ARID5B: variants seen among roughly 807,000 people sequenced by gnomAD.
The protein encoded by ARID5B is AT-rich interaction domain 5B, also known as AT-rich interactive domain-containing protein 5B.
In ARID5B, 13 loss-of-function variants were observed where a neutral mutation model predicts 97.2. The observed-to-expected ratio is 0.13, with a 90% CI of 0.09 to 0.21. The LOEUF is 0.21. ARID5B is among the 10% of genes least tolerant of loss of function. The pLI, the probability that ARID5B is intolerant of heterozygous loss-of-function variation, is 1.00. For synonymous variants in ARID5B, 556 were observed against 570.3 expected, an observed-to-expected ratio of 0.97 and a Z score of 0.36; for missense variants, 1,210 against 1,465.3, an observed-to-expected ratio of 0.83 and a Z score of 2.84.
chr10:62,057,468 G>T (rs1589277859), intron 6 of ARID5B, 150 bp downstream of exon 6: 1 of 851,118 alleles, frequency 1.2e-6, no homozygotes, highest in South Asian at 1.8e-5. Context: ...TCCAGGCCAA[G>T]AATTTTTTCC....
chr10:61,989,083 C>G (rs908286071), intron 3 of ARID5B, among the ~76,000 whole-genome samples: 1 of 151,864 alleles, frequency 6.6e-6, no homozygotes, highest in Admixed American at 6.6e-5. Flanking sequence ...GCATGTGCCA[C>G]CATGCCTGGC....
intron 2 of ARID5B, among the ~76,000 whole-genome samples, chr10:61,908,627 G>C (rs142736226): frequency 2.0e-5 from 3 of 151,714 alleles, no homozygotes; most frequent in African/African-American, 7.3e-5. Flanking sequence ...GTGAAACCCC[G>C]TCTCTACTAA....
Position 62,000,403 on chromosome 10 carries a change from G to C in ARID5B, c.733+82G>C. On this transcript the variant is annotated intron_variant, in intron 4 of 9. Coordinates refer to ENST00000279873, the MANE Select transcript of ARID5B (RefSeq NM_032199.3). The surrounding 1 kb of genome is among the most constrained non-coding windows in gnomAD (Gnocchi z 4.4). ...TCAGTTCTTCTGAAGAGCGGTGATG[G>C]GGAACGGGGCTCACTTTCACAAGCC... is the stretch of plus-strand genomic sequence containing the variant. 7.6e-7 allele frequency: 1 copy of C among 1,308,080 alleles called. No individual in the cohort carries two copies. Among genetic ancestry groups the C allele is most frequent in the Non-Finnish European group, 1.0e-6 (1 of 953,830 alleles). 81.0% of individuals were successfully genotyped at this position (1,308,080 alleles called of 1,614,324 possible).
chr10:61,908,388 T>C (rs1168321975), intron 2 of ARID5B, among the ~76,000 whole-genome samples: 2 of 152,206 alleles, frequency 1.3e-5, no homozygotes, highest in Non-Finnish European at 2.9e-5. Context: ...GTGCTGATAA[T>C]ACATGTCATA....
intron 2 of ARID5B, among the ~76,000 whole-genome samples, chr10:61,917,583 CTT>C (rs1843933314): frequency 6.6e-6 from 1 of 152,236 alleles, no homozygotes; most frequent in Admixed American, 6.5e-5. Context: ...TTAAAACACT[CTT>C]TGTGGGCCAA....
rs554202422 is a variant in ARID5B at position 62,095,961 on chromosome 10, A to T, written c.*2931A>T. 9.5e-5 allele frequency: 22 copies of T among 232,178 alleles called. No individual in the cohort carries two copies. The South Asian group carries it at 1.8e-3, about 19-fold the overall frequency. 14.4% of individuals were successfully genotyped at this position (232,178 alleles called of 1,614,324 possible). Reference sequence around the variant, plus strand: ...GCACTAAGTCTGTGATTTATTGGAGATTTGGAGATTCTAAATAATATTTTT... The same window carrying T: ...GCACTAAGTCTGTGATTTATTGGAGTTTTGGAGATTCTAAATAATATTTTT... On this transcript the variant is annotated 3_prime_UTR_variant, in exon 10 of 10. Transcript: ENST00000279873.
At chr10:61,938,713 G>C (rs571200036) in intron 2 of ARID5B, among the ~76,000 whole-genome samples, 1 of 152,134 alleles carries the variant, frequency 6.6e-6, no homozygotes, top group East Asian at 1.9e-4. Flanking sequence ...CCATTTAGTG[G>C]TAGTTCATAT....
Position 62,092,956 on chromosome 10 carries a change from T to C in ARID5B, c.3493T>C (p.Leu1165=), listed in dbSNP as rs1427715298. ...GDLLHNSIYP[L]AAINPQAAFP... ...CCTTTTGCATAACAGCATTTACCCT[T>C]TAGCTGCTATAAATCCTCAAGCTGC... Residue 1165 remains leucine, a synonymous_variant, in exon 10 of 10, where the codon TTA becomes CTA. Transcript: ENST00000279873. 1 of 1,614,128 alleles carries C rather than the reference T, an allele frequency of 6.2e-7. No individual in the cohort carries two copies.
chr10:62,036,943 A>G (rs1839572620), intron 4 of ARID5B, among the ~76,000 whole-genome samples: 1 of 152,218 alleles, frequency 6.6e-6, no homozygotes, highest in Admixed American at 6.5e-5. Context: ...GACGAATCCT[A>G]CTGGCATAAC....
At chr10:61,994,217 G>A (rs1195389141) in intron 3 of ARID5B, among the ~76,000 whole-genome samples, 1 of 152,026 alleles carries the variant, frequency 6.6e-6, no homozygotes. Flanking sequence ...TTTTCCACTA[G>A]GCTCTATAAA....
chr10:62,086,904 G>A (rs1197418736), intron 9 of ARID5B, among the ~76,000 whole-genome samples: 1 of 151,600 alleles, frequency 6.6e-6, no homozygotes, highest in Non-Finnish European at 1.5e-5. Flanking sequence ...CCTTGGAACT[G>A]TGGTGCTGTA....
intron 2 of ARID5B, among the ~76,000 whole-genome samples, chr10:61,918,222 C>A (rs1843944463): frequency 6.6e-6 from 1 of 152,212 alleles, no homozygotes; most frequent in South Asian, 2.1e-4. Flanking sequence ...AAAATATAAA[C>A]CCTTAGCCTT....
intron 4 of ARID5B, among the ~76,000 whole-genome samples, chr10:62,002,440 T>G (rs1839091323): frequency 6.6e-6 from 1 of 152,234 alleles, no homozygotes; most frequent in Non-Finnish European, 1.5e-5. Flanking sequence ...AGTTTAATAA[T>G]TAGAGTATTA....
chr10:62,059,438 G>A lies in ARID5B; in HGVS notation c.1101+143G>A, dbSNP rs375478784. On this transcript the variant is annotated intron_variant, in intron 7 of 9. Transcript: ENST00000279873. ...TACACTTTTGGGGGTTTATTGGGCCGCTTTGGAAACAGTCCCAATTAGTTC... is the reference window on the plus strand; with the variant it reads ...TACACTTTTGGGGGTTTATTGGGCCACTTTGGAAACAGTCCCAATTAGTTC... 4.8e-4 allele frequency: 301 copies of A among 628,306 alleles called. 2 individuals are homozygous for A. The highest frequency in any genetic ancestry group is 8.1e-4 in the South Asian group (34 of 41,986). The allele number at this position is 628,306 out of a possible 1,614,324, so 38.9% of individuals were successfully genotyped here. A position where few individuals can be genotyped will look rare whatever the true frequency, so the allele number is the denominator to read the frequency against.
At chr10:62,003,223 T>C (rs533557161) in intron 4 of ARID5B, among the ~76,000 whole-genome samples, 15 of 152,278 alleles carry the variant, frequency 9.9e-5, no homozygotes, top group Non-Finnish European at 1.5e-4. Flanking sequence ...TAAAATCTAA[T>C]TGGGGAAGAC....
intron 3 of ARID5B, among the ~76,000 whole-genome samples, chr10:61,971,753 G>GA (rs144695836): frequency 0.045 from 6,868 of 152,092 alleles, 235 homozygotes; most frequent in East Asian, 0.14. Context: ...ATACTAGCAG[G>GA]AAAAAAAGAT....
Position 61,971,986 on chromosome 10 carries a change from T to C in ARID5B, c.503-28105T>C, listed in dbSNP as rs1410140605. Among the ~76,000 whole-genome samples, 8 of 152,310 alleles carry C rather than the reference T, an allele frequency of 5.3e-5. No individual in the cohort carries two copies. In the South Asian group the frequency reaches 1.2e-3, roughly 24 times the overall value. ...CTGAAGAACTTATATGAGGTTATTT[T>C]CTTTCTCTATGTCCACGTTTTTCAT... On this transcript the variant is annotated intron_variant, in intron 3 of 9. Transcript: ENST00000279873.
At chr10:62,007,895 G>A (rs1022408661) in intron 4 of ARID5B, among the ~76,000 whole-genome samples, 43 of 151,940 alleles carry the variant, frequency 2.8e-4, no homozygotes, top group Non-Finnish European at 4.4e-4. Flanking sequence ...TCCTCCCCAG[G>A]GAAGTCTTCT....
At chr10:62,045,390 G>A (rs977289978) in intron 4 of ARID5B, among the ~76,000 whole-genome samples, 7 of 151,876 alleles carry the variant, frequency 4.6e-5, no homozygotes, top group Admixed American at 2.0e-4. Context: ...ACTAAATTAG[G>A]GTAGGTTACT....
Sources: gnomAD v4.1 joint callset for allele counts (sites outside exome capture counted in the v4.1 genomes callset) on GRCh38, gnomAD v4.1.1 for gene constraint, Gnocchi (gnomAD v3.1) non-coding constraint, MANE v1.5 for transcripts, NCBI Gene and HGNC (gene_info 2026-07-23, HGNC 2026-07-21) for gene names.